PRKG1: variants seen among roughly 807,000 people sequenced by gnomAD.
PRKG1 encodes protein kinase cGMP-dependent 1, also known as cGMP-dependent protein kinase 1.
A neutral mutation model predicts 88.1 loss-of-function variants in PRKG1; 35 were observed. That is an observed-to-expected ratio of 0.40 (90% CI 0.30 to 0.53). The LOEUF is 0.53. Ranked by LOEUF, PRKG1 falls within the 20% of genes least tolerant of loss-of-function variation. PRKG1 has a pLI of 0.59. For synonymous variants in PRKG1, 303 were observed against 292.5 expected (o/e 1.04, Z -0.37); for missense variants, 540 against 839.8 (o/e 0.64, Z 4.41).
intron 3 of PRKG1, among the ~76,000 whole-genome samples, chr10:51,576,614 T>C (rs1352395586): frequency 6.6e-6 from 1 of 151,956 alleles, no homozygotes; most frequent in African/African-American, 2.4e-5. Flanking sequence ...CCATTTTATG[T>C]TGTGGCACAT....
At chr10:52,187,672 T>C (rs866270951) in intron 9 of PRKG1, among the ~76,000 whole-genome samples, 11 of 152,192 alleles carry the variant, frequency 7.2e-5, no homozygotes, top group African/African-American at 2.4e-4. Context: ...TCACTAACAA[T>C]AGATTCTGCC....
intron 2 of PRKG1, among the ~76,000 whole-genome samples, chr10:51,237,448 G>C (rs1051463177): frequency 1.3e-5 from 2 of 152,126 alleles, no homozygotes; most frequent in African/African-American, 4.8e-5. Context: ...ATTTAGGAAA[G>C]ATTAAAAATT....
chr10:51,287,330 T>C (rs975279858), intron 2 of PRKG1, among the ~76,000 whole-genome samples: 1 of 152,206 alleles, frequency 6.6e-6, no homozygotes, highest in African/African-American at 2.4e-5. Flanking sequence ...GTCCTTGATT[T>C]GGCTTCAGAG....
chr10:51,625,549 G>A (rs766959079), intron 3 of PRKG1, among the ~76,000 whole-genome samples: 3 of 152,076 alleles, frequency 2.0e-5, no homozygotes, highest in African/African-American at 7.2e-5. Flanking sequence ...GTGCTGGAAT[G>A]GGGATTAACT....
intron 2 of PRKG1, among the ~76,000 whole-genome samples, chr10:51,336,367 T>A (rs1841877176): frequency 6.6e-6 from 1 of 151,734 alleles, no homozygotes; most frequent in Non-Finnish European, 1.5e-5. Context: ...AATAAATAAA[T>A]AAATAAATAA....
chr10:51,578,329 C>A (rs1837940109), intron 3 of PRKG1, among the ~76,000 whole-genome samples: 1 of 152,058 alleles, frequency 6.6e-6, no homozygotes, highest in Non-Finnish European at 1.5e-5. Context: ...ACAAACCATA[C>A]TATTTTTAGG....
intron 3 of PRKG1, among the ~76,000 whole-genome samples, chr10:51,605,778 A>T (rs969852021): frequency 6.6e-6 from 1 of 152,208 alleles, no homozygotes; most frequent in Non-Finnish European, 1.5e-5. Flanking sequence ...AAGCGGGGAA[A>T]CAATTTTGGG....
chr10:52,278,295 C>A (rs1841920924), intron 12 of PRKG1, among the ~76,000 whole-genome samples: 1 of 152,078 alleles, frequency 6.6e-6, no homozygotes, highest in Non-Finnish European at 1.5e-5. Context: ...GAATGACGAT[C>A]ATTAAAAGTC....
intron 3 of PRKG1, among the ~76,000 whole-genome samples, chr10:51,523,155 T>C (rs146929901): frequency 6.6e-6 from 1 of 152,100 alleles, no homozygotes; most frequent in Non-Finnish European, 1.5e-5. Context: ...AAAATAGCAA[T>C]GTTAGGAATC....
chr10:52,069,325 G>A (rs1328306353), intron 7 of PRKG1, among the ~76,000 whole-genome samples: 1 of 152,150 alleles, frequency 6.6e-6, no homozygotes, highest in Non-Finnish European at 1.5e-5. Context: ...GAGGTCAGGA[G>A]TTTGAGACCA....
In PRKG1 at chr10:51,123,976, GGT is replaced by G. The variant is rs374837512; in HGVS notation, c.312-29186_312-29185del. ...ATTGTGAGGACAGCACCAAGAGAAT[GGT>G]GCTACAGCATTCATGAGAAATCCAC... On this transcript the variant is annotated intron_variant, in intron 1 of 17. Coordinates refer to ENST00000373980, the MANE Select transcript of PRKG1 (RefSeq NM_006258.4). 1.5e-4 allele frequency among the ~76,000 whole-genome samples: 23 copies of G among 152,190 alleles called. No homozygotes were observed. The East Asian group carries it at 4.5e-3, about 29-fold the overall frequency.
At chr10:51,468,727 T>C (rs1839971536) in intron 3 of PRKG1, among the ~76,000 whole-genome samples, 1 of 151,874 alleles carries the variant, frequency 6.6e-6, no homozygotes, top group African/African-American at 2.4e-5. Flanking sequence ...AAAAATGCTA[T>C]TGGCAAAATG....
intron 2 of PRKG1, among the ~76,000 whole-genome samples, chr10:51,368,898 G>C (rs1842643137): frequency 6.6e-6 from 1 of 152,032 alleles, no homozygotes; most frequent in African/African-American, 2.4e-5. Flanking sequence ...TGAGGTATAT[G>C]GATTGGAGAA....
intron 5 of PRKG1, among the ~76,000 whole-genome samples, chr10:52,048,872 A>G (rs1845923103): frequency 1.3e-5 from 2 of 152,150 alleles, no homozygotes; most frequent in South Asian, 4.1e-4. Context: ...TTTGGGCTAA[A>G]TCTATCTTCA....
chr10:51,580,760 C>T (rs1298516009), intron 3 of PRKG1, among the ~76,000 whole-genome samples: 6 of 151,888 alleles, frequency 4.0e-5, no homozygotes, highest in Admixed American at 3.9e-4. Flanking sequence ...TAAATTAGCT[C>T]ACTGGAGACA....
At chr10:51,177,498 C>T (rs980515302) in intron 2 of PRKG1, among the ~76,000 whole-genome samples, 5 of 152,130 alleles carry the variant, frequency 3.3e-5, no homozygotes, top group African/African-American at 9.7e-5. Context: ...GACTCCAAGC[C>T]TTTCAATGAC....
chr10:51,244,604 A>G (rs908424111), intron 2 of PRKG1, among the ~76,000 whole-genome samples: 3 of 152,126 alleles, frequency 2.0e-5, no homozygotes, highest in Non-Finnish European at 2.9e-5. Flanking sequence ...GGGATGAAAC[A>G]CAGTAAGGTT....
intron 4 of PRKG1, among the ~76,000 whole-genome samples, chr10:51,878,127 A>G (rs763642978): frequency 1.1e-4 from 16 of 152,168 alleles, no homozygotes; most frequent in Admixed American, 4.6e-4. Context: ...GACATCATTA[A>G]CCAGAAATGC....
chr10:52,126,130 A>C (rs1182350279), intron 7 of PRKG1: 1 of 152,100 alleles, frequency 6.6e-6, no homozygotes, highest in East Asian at 1.9e-4. Context: ...CAGGTACCTG[A>C]AGCCTAGGGT....
Sources: gnomAD v4.1 joint callset for allele counts (sites outside exome capture counted in the v4.1 genomes callset) on GRCh38, gnomAD v4.1.1 for gene constraint, MANE v1.5 for transcripts, NCBI Gene and HGNC (gene_info 2026-07-23, HGNC 2026-07-21) for gene names.